The following EP300 variants were observed in gnomAD, a reference collection of about 807,000 sequenced individuals.
EP300 encodes the protein EP300 lysine acetyltransferase.
A neutral mutation model predicts 264.0 loss-of-function variants in EP300; 31 were observed. That is an observed-to-expected ratio of 0.12 (90% CI 0.09 to 0.16). EP300 has a LOEUF of 0.16. EP300 is among the 10% of genes least tolerant of loss of function. EP300 has a pLI of 1.00. For synonymous variants in EP300, 1,340 were observed against 1,045.4 expected (o/e 1.28, Z -5.44); for missense variants, 2,766 against 3,052.9 (o/e 0.91, Z 2.21).
At chr22:41,176,124 G>T (rs1035058889) in intron 29 of EP300, 123 bp from the exon 30 acceptor site, 16 of 1,118,832 alleles carry the variant, frequency 1.4e-5, no homozygotes, top group African/African-American at 3.1e-5. Context: ...GGAGGCCATG[G>T]TGGGATAATT....
At chr22:41,135,164 T>C (rs531197317) in intron 6 of EP300, among the ~76,000 whole-genome samples, 1 of 152,332 alleles carries the variant, frequency 6.6e-6, no homozygotes, top group Non-Finnish European at 1.5e-5. Context: ...CCTCCCAAAG[T>C]GCTGGGATTA....
intron 14 of EP300, among the ~76,000 whole-genome samples, 190 bp from the exon 15 acceptor site, chr22:41,151,643 T>C (rs552510209): frequency 6.6e-6 from 1 of 152,306 alleles, no homozygotes; most frequent in African/African-American, 2.4e-5. Context: ...TATTTACAAG[T>C]CTTAATTCTC....
At chr22:41,093,579 C>T (rs1193934518) in intron 1 of EP300, among the ~76,000 whole-genome samples, 1 of 152,130 alleles carries the variant, frequency 6.6e-6, no homozygotes, top group Non-Finnish European at 1.5e-5. Flanking sequence ...GTAAAAAAAT[C>T]TTGATTTTGT....
chr22:41,165,262 C>T (rs1400398727), intron 22 of EP300, among the ~76,000 whole-genome samples: 1 of 152,068 alleles, frequency 6.6e-6, no homozygotes, highest in East Asian at 1.9e-4. Context: ...TCTGTTATTA[C>T]TGTGTTAAGC....
At chr22:41,093,996 A>G (rs990387579) in intron 1 of EP300, among the ~76,000 whole-genome samples, 2 of 152,236 alleles carry the variant, frequency 1.3e-5, no homozygotes, top group African/African-American at 4.8e-5. Flanking sequence ...ACTTTTAAAC[A>G]TACTTGGAGA....
intron 14 of EP300, among the ~76,000 whole-genome samples, chr22:41,150,889 TAA>T (rs66701772): frequency 1.4e-4 from 18 of 127,888 alleles, no homozygotes; most frequent in African/African-American, 1.4e-4. Context: ...AAACTCCGTC[TAA>T]AAAAAAAAAA....
chr22:41,170,793 C>T (rs2059165542), intron 27 of EP300, among the ~76,000 whole-genome samples: 2 of 151,528 alleles, frequency 1.3e-5, no homozygotes, highest in South Asian at 4.2e-4. Context: ...TCCTGAGTAG[C>T]TGGGACTACA....
chr22:41,160,419 CAAAAAAAAAA>C (rs35492332), intron 19 of EP300: 4 of 377,682 alleles, frequency 1.1e-5, no homozygotes, highest in Non-Finnish European at 1.9e-5. Context: ...GCTTTGATTG[CAAAAAAAAAA>C]ACAAAAAAAA....
At chr22:41,124,730 G>C (rs888104634) in intron 2 of EP300, among the ~76,000 whole-genome samples, 2 of 152,148 alleles carry the variant, frequency 1.3e-5, no homozygotes, top group East Asian at 3.8e-4. Flanking sequence ...TCGCCATGTA[G>C]CATCATGTGT....
chr22:41,138,554 A>G (rs1282717175), intron 8 of EP300, among the ~76,000 whole-genome samples: 2 of 152,080 alleles, frequency 1.3e-5, no homozygotes, highest in African/African-American at 4.8e-5. Flanking sequence ...TATTTTTGAG[A>G]AGTTGATATA....
intron 6 of EP300, among the ~76,000 whole-genome samples, chr22:41,132,211 A>G (rs1272448196): frequency 6.6e-6 from 1 of 150,758 alleles, no homozygotes; most frequent in Non-Finnish European, 1.5e-5. Flanking sequence ...AAAAAAAAAT[A>G]CTATGTAGAC....
At chr22:41,137,835 G>A (rs757637202) in intron 8 of EP300, 45 bp downstream of exon 8, 23 of 1,613,154 alleles carry the variant, frequency 1.4e-5, no homozygotes, top group Middle Eastern at 1.6e-4. Context: ...GAGATGTTAC[G>A]TCAACATGTT....
chr22:41,160,492 G>T, intron 19 of EP300, 150 bp from the exon 20 acceptor site: 1 of 688,738 alleles, frequency 1.5e-6, no homozygotes, highest in Non-Finnish European at 2.7e-6. Flanking sequence ...CCATATATCT[G>T]CATCATTGAA....
Position 41,125,959 on chromosome 22 carries a change from G to A in EP300, c.825G>A (p.Gln275=), listed in dbSNP as rs149058635. The change falls in exon 3 of 31, where the codon CAG becomes CAA. Residue 275 remains glutamine, a synonymous_variant. Transcript: ENST00000263253. ...CCAGTGGCCTTGGTCTCCAGATTCA[G>A]ACAAAAACTGTACTATCAAATAACT... ...IGASGLGLQI[Q]TKTVLSNNLS... The A allele has an allele frequency of 3.1e-6, 5 of 1,614,190 alleles. No homozygotes were observed. The highest frequency in any genetic ancestry group is 4.2e-6 in the Non-Finnish European group (5 of 1,180,038).
rs1352781983 is a variant in EP300 at position 41,123,156 on chromosome 22, A to C, written c.730-2708A>C. Among the ~76,000 whole-genome samples, 5 of 152,328 alleles carry C rather than the reference A, an allele frequency of 3.3e-5. No homozygotes were observed. The East Asian group carries it at 5.8e-4, about 18-fold the overall frequency. On this transcript the variant is annotated intron_variant, in intron 2 of 30. Coordinates refer to ENST00000263253, the MANE Select transcript of EP300 (RefSeq NM_001429.4). ...TGAGTAGAATCTGCAGGTGTTTCTTAGTTAGGTTGTACTATCTAAGGAACC... is the reference window on the plus strand; with the variant it reads ...TGAGTAGAATCTGCAGGTGTTTCTTCGTTAGGTTGTACTATCTAAGGAACC...
intron 19 of EP300, chr22:41,159,321 C>T (rs1397196636): frequency 1.3e-5 from 2 of 152,154 alleles, no homozygotes; most frequent in Non-Finnish European, 2.9e-5. Flanking sequence ...AGATGCATTT[C>T]TAGCTTTGAA....
intron 17 of EP300, 114 bp downstream of exon 17, chr22:41,155,227 ATTT>A: frequency 1.0e-5 from 8 of 766,014 alleles, no homozygotes; most frequent in Non-Finnish European, 1.7e-5. Context: ...TAATTCAGTG[ATTT>A]TTTTTTTTTC....
In EP300 at chr22:41,146,753, G is replaced by C. The variant is rs2059012785; in HGVS notation, c.2068G>C (p.Asp690His). 6.2e-7 allele frequency: 1 copy of C among 1,614,138 alleles called. No homozygotes were observed. The highest frequency in any genetic ancestry group is 8.5e-7 in the Non-Finnish European group (1 of 1,180,006). Residue 690 changes from aspartate (D) to histidine (H), a missense_variant, in exon 11 of 31, where the codon GAC (aspartate) becomes CAC (histidine). Coordinates refer to ENST00000263253, the MANE Select transcript of EP300 (RefSeq NM_001429.4). Reference sequence around the variant, plus strand: ...TTTTACTCTAGATGGCCCTCTACCTGACCCAAGTATGATCCGTGGCAGTGT... The same window carrying C: ...TTTTACTCTAGATGGCCCTCTACCTCACCCAAGTATGATCCGTGGCAGTGT... ...PGMTSNGPLP[D>H]PSMIRGSVPN...
intron 1 of EP300, among the ~76,000 whole-genome samples, chr22:41,112,212 G>C (rs1449474527): frequency 1.5e-5 from 2 of 137,188 alleles, no homozygotes; most frequent in Non-Finnish European, 3.1e-5. Flanking sequence ...GTGTGTGTGA[G>C]ACAGTCTCGC....
Sources: gnomAD v4.1 joint callset for allele counts (sites outside exome capture counted in the v4.1 genomes callset) on GRCh38, gnomAD v4.1.1 for gene constraint, MANE v1.5 for transcripts, NCBI Gene and HGNC (gene_info 2026-07-23, HGNC 2026-07-21) for gene names.